PRKN: variants seen among roughly 807,000 people sequenced by gnomAD.
The protein encoded by PRKN is E3 ubiquitin-protein ligase parkin.
PRKN carries 56 observed loss-of-function variants against 59.5 expected under a neutral mutation model. The observed-to-expected ratio is 0.94, with a 90% CI of 0.76 to 1.18. PRKN has a LOEUF of 1.18. Among genes scored for constraint, PRKN ranks in the 50% most tolerant of loss-of-function variants. PRKN has a pLI of 0.00. For missense variants in PRKN, 657 were observed against 596.4 expected, an observed-to-expected ratio of 1.10 and a Z score of -1.06; for synonymous variants, 250 against 222.1, an observed-to-expected ratio of 1.13 and a Z score of -1.12.
At chr6:161,766,198 A>C (rs1254308949) in intron 7 of PRKN, among the ~76,000 whole-genome samples, 3 of 152,174 alleles carry the variant, frequency 2.0e-5, no homozygotes, top group Non-Finnish European at 4.4e-5. Context: ...AATTTCTGCT[A>C]TGACTTGAAG....
At chr6:162,197,979 G>C (rs555868956) in intron 4 of PRKN, among the ~76,000 whole-genome samples, 2 of 152,200 alleles carry the variant, frequency 1.3e-5, no homozygotes, top group African/African-American at 2.4e-5. Flanking sequence ...CAGGCTCTTC[G>C]AACATAGACA....
chr6:161,816,039 A>T (rs1791765784), intron 6 of PRKN, among the ~76,000 whole-genome samples: 1 of 152,120 alleles, frequency 6.6e-6, no homozygotes, highest in Admixed American at 6.6e-5. Context: ...GCATGCAAAA[A>T]CTTGTACACA....
chr6:162,228,738 C>T (rs1778293882), intron 3 of PRKN, among the ~76,000 whole-genome samples: 1 of 152,164 alleles, frequency 6.6e-6, no homozygotes, highest in African/African-American at 2.4e-5. Context: ...TAATGCCTAG[C>T]AGAGTCCAAT....
At chr6:161,776,992 T>A (rs368416500) in intron 7 of PRKN, among the ~76,000 whole-genome samples, 34 of 152,324 alleles carry the variant, frequency 2.2e-4, no homozygotes, top group African/African-American at 7.9e-4. Flanking sequence ...TATGATAGTT[T>A]AACTGTTGAG....
At chr6:162,200,951 G>A (rs1414484566) in intron 4 of PRKN, among the ~76,000 whole-genome samples, 180 bp downstream of exon 4, 3 of 152,142 alleles carry the variant, frequency 2.0e-5, no homozygotes, top group Non-Finnish European at 4.4e-5. Context: ...AGAGCAGAAA[G>A]AAATCCAGAA....
intron 1 of PRKN, among the ~76,000 whole-genome samples, chr6:162,599,508 C>T (rs1781617386): frequency 6.6e-6 from 1 of 152,038 alleles, no homozygotes; most frequent in South Asian, 2.1e-4. Context: ...ATAACAACAA[C>T]AACAACAACA....
rs189932185 is a variant in PRKN, at chr6:161,861,793, A to T, written c.735-75885T>A. Among the ~76,000 whole-genome samples, 502 of 152,254 alleles carry T rather than the reference A, an allele frequency of 3.3e-3. 2 individuals carry two copies. Among genetic ancestry groups the T allele is most frequent in the African/African-American group, 0.011 (469 of 41,540 alleles). On this transcript the variant is annotated intron_variant, in intron 6 of 11. Transcript: ENST00000366898. ...TCAAAAACCTGATAGTAATTGAAAA[A>T]TATTCTAAGAACTTCCACTTGAGCT... is the stretch of plus-strand genomic sequence containing the variant.
chr6:162,597,808 T>G (rs1377275439), intron 1 of PRKN, among the ~76,000 whole-genome samples: 1 of 152,162 alleles, frequency 6.6e-6, no homozygotes. Context: ...ACTAAGTCCT[T>G]TCAGGTTACA....
At chr6:162,339,171 C>G (rs1286358762) in intron 2 of PRKN, among the ~76,000 whole-genome samples, 10 of 150,200 alleles carry the variant, frequency 6.7e-5, no homozygotes, top group Non-Finnish European at 1.2e-4. Context: ...AGCCTCTCCG[C>G]CCGGCAGCCA....
intron 6 of PRKN, among the ~76,000 whole-genome samples, chr6:161,959,255 C>G (rs1184865503): frequency 6.6e-6 from 1 of 152,146 alleles, no homozygotes; most frequent in Non-Finnish European, 1.5e-5. Context: ...CCAGGGATGG[C>G]CTCTGCTGTC....
At position 161,482,943 on chromosome 6, in the gene PRKN, A is replaced by G. The variant is rs185441636; in HGVS notation, c.1083+65911T>C. On this transcript the variant is annotated intron_variant, in intron 9 of 11. Coordinates refer to ENST00000366898, the MANE Select transcript of PRKN (RefSeq NM_004562.3). ...AACTGTGGCATATTTAATGTTTCAT[A>G]GCTTTTTGAGAATTTCCACAGACAT... Among the ~76,000 whole-genome samples, 188 of 152,340 alleles carry G rather than the reference A, an allele frequency of 1.2e-3. 1 individual carries two copies. The highest frequency in any genetic ancestry group is 2.2e-3 in the Non-Finnish European group (147 of 68,028).
At position 162,501,034 on chromosome 6, in the gene PRKN, T is replaced by G. The variant is rs142819211; in HGVS notation, c.8-57561A>C. Among the ~76,000 whole-genome samples, 162 of 152,196 alleles carry G rather than the reference T, an allele frequency of 1.1e-3. 1 individual carries two copies. In the South Asian group the frequency reaches 0.012, roughly 11 times the overall value. On this transcript the variant is annotated intron_variant, in intron 1 of 11. Coordinates refer to ENST00000366898, the MANE Select transcript of PRKN (RefSeq NM_004562.3). ...TTTGAAAAACTAGCCAGGCATGGTGTTGAATGCCTGTAGTACCAACAACTC... is the reference window on the plus strand; with the variant it reads ...TTTGAAAAACTAGCCAGGCATGGTGGTGAATGCCTGTAGTACCAACAACTC...
At chr6:162,048,744 T>A (rs1562482882) in intron 5 of PRKN, among the ~76,000 whole-genome samples, 1 of 145,912 alleles carries the variant, frequency 6.9e-6, no homozygotes, top group African/African-American at 2.5e-5. Flanking sequence ...AAAAATCTCA[T>A]AAGAGAGTTT....
intron 6 of PRKN, among the ~76,000 whole-genome samples, chr6:161,867,634 A>G (rs2128225956): frequency 6.6e-6 from 1 of 152,338 alleles, no homozygotes; most frequent in East Asian, 1.9e-4. Context: ...AATACTTGCC[A>G]TAGTAAAGAG....
At chr6:162,213,988 G>A (rs1777526285) in intron 3 of PRKN, among the ~76,000 whole-genome samples, 1 of 151,862 alleles carries the variant, frequency 6.6e-6, no homozygotes, top group African/African-American at 2.4e-5. Context: ...CCCTTAGGAG[G>A]CCAGAAGGCA....
intron 7 of PRKN, among the ~76,000 whole-genome samples, chr6:161,663,405 C>T (rs1463955867): frequency 6.6e-6 from 1 of 152,062 alleles, no homozygotes; most frequent in Admixed American, 6.5e-5. Flanking sequence ...TATCTGAAAT[C>T]TGAGGTTCCA....
chr6:162,149,806 C>T (rs1368780610), intron 4 of PRKN, among the ~76,000 whole-genome samples: 1 of 152,012 alleles, frequency 6.6e-6, no homozygotes, highest in Non-Finnish European at 1.5e-5. Context: ...CGTGGAAGGG[C>T]GAAGGCAGTC....
At chr6:161,927,000 T>C (rs775464674) in intron 6 of PRKN, among the ~76,000 whole-genome samples, 18 of 152,174 alleles carry the variant, frequency 1.2e-4, no homozygotes, top group Admixed American at 2.6e-4. Context: ...AATGAGAACA[T>C]TTAATTCTAA....
intron 6 of PRKN, among the ~76,000 whole-genome samples, chr6:161,957,410 T>TTG (rs1562418039): frequency 2.4e-5 from 3 of 124,230 alleles, no homozygotes; most frequent in Admixed American, 7.8e-5. Context: ...GTTCTTGTTG[T>TTG]TTTTTTTTTG....
Sources: allele counts gnomAD v4.1 joint callset (sites outside exome capture counted in the v4.1 genomes callset), GRCh38; gene constraint gnomAD v4.1.1; transcripts MANE v1.5; gene names NCBI Gene and HGNC (gene_info 2026-07-23, HGNC 2026-07-21).